Variants in RSPH14 observed in about 807,000 individuals in gnomAD.
RSPH14 encodes the protein radial spoke head 14 homolog, also known as rhabdoid tumor deletion region gene 1.
A neutral mutation model predicts 26.7 loss-of-function variants in RSPH14; 20 were observed. That is an observed-to-expected ratio of 0.75 (90% CI 0.53 to 1.09). The LOEUF (loss-of-function observed/expected upper bound fraction) is 1.09. RSPH14 is among the 50% of genes least tolerant of loss of function. RSPH14 has a pLI of 0.00. For missense variants in RSPH14, 449 were observed against 457.2 expected (o/e 0.98, Z 0.16); for synonymous variants, 177 against 189.3 (o/e 0.93, Z 0.53).
chr22:23,162,693 C>G, the RSPH14 span: 4 of 456,296 alleles, frequency 8.8e-6, 1 homozygote, highest in South Asian at 6.2e-5. Context: ...CCTGGCTATG[C>G]CCACTCATCC....
intron 4 of RSPH14, among the ~76,000 whole-genome samples, chr22:23,088,786 CCCATCGGGCATTAGGGGTGT>C (rs2146295002): frequency 6.6e-6 from 1 of 152,270 alleles, no homozygotes; most frequent in South Asian, 2.1e-4. Context: ...GGGCTGGGAG[CCCATCGGGCATTAGGGGTGT>C]GGCCTTGCTC....
intron 4 of RSPH14, among the ~76,000 whole-genome samples, chr22:23,096,983 A>T (rs1322249754): frequency 6.6e-6 from 1 of 152,088 alleles, no homozygotes; most frequent in African/African-American, 2.4e-5. Context: ...GAGGGTGGGG[A>T]GCCGGGTGAA....
chr22:23,074,984 A>G (rs772030454), intron 4 of RSPH14, among the ~76,000 whole-genome samples: 7 of 152,208 alleles, frequency 4.6e-5, no homozygotes, highest in Non-Finnish European at 1.0e-4. Flanking sequence ...CCTGAGCAAC[A>G]TGTAAGAGCC....
chr22:23,114,203 A>G (rs1263463194), intron 4 of RSPH14, among the ~76,000 whole-genome samples: 2 of 152,036 alleles, frequency 1.3e-5, no homozygotes, highest in Non-Finnish European at 2.9e-5. Context: ...TGGTGAATGG[A>G]GCGCATTCAT....
chr22:23,119,648 G>A (rs1910007048), intron 4 of RSPH14, among the ~76,000 whole-genome samples: 1 of 152,224 alleles, frequency 6.6e-6, no homozygotes, highest in Admixed American at 6.5e-5. Flanking sequence ...CTACTAGGGT[G>A]GAGCCCATGT....
chr22:23,130,533 A>AAAGAAAGAAAGAAAGC (rs1569193256), intron 4 of RSPH14, among the ~76,000 whole-genome samples: 2 of 85,378 alleles, frequency 2.3e-5, no homozygotes, highest in Admixed American at 1.1e-4. Context: ...AGAAAGAAAG[A>AAAGAAAGAAAGAAAGC]GAAAGAAGGA....
chr22:23,130,256 C>A (rs2070319018), intron 4 of RSPH14, among the ~76,000 whole-genome samples: 1 of 150,034 alleles, frequency 6.7e-6, no homozygotes, highest in Admixed American at 6.6e-5. Context: ...GAGATCGAGA[C>A]CATCCTGGCT....
intron 4 of RSPH14, among the ~76,000 whole-genome samples, chr22:23,115,236 A>G (rs2146376535): frequency 6.6e-6 from 1 of 152,264 alleles, no homozygotes. Flanking sequence ...TCCCCAATAC[A>G]ACACAGTCCG....
At chr22:23,145,659 C>A (rs558565581), upstream of RSPH14, 17 of 1,280,410 alleles carry the variant, frequency 1.3e-5, no homozygotes, top group Admixed American at 1.8e-4. Context: ...CACTTCCCGC[C>A]CCTATAACTT....
chr22:23,179,163 C>T, the RSPH14 span, among the ~76,000 whole-genome samples: 1 of 152,208 alleles, frequency 6.6e-6, no homozygotes, highest in Non-Finnish European at 1.5e-5. Context: ...AAAGTATCTG[C>T]TCCAGATGAC....
intron 4 of RSPH14, among the ~76,000 whole-genome samples, chr22:23,109,248 G>A (rs1227063439): frequency 6.6e-6 from 1 of 152,212 alleles, no homozygotes; most frequent in East Asian, 1.9e-4. Context: ...GCCCAAGTGA[G>A]CCTGGCAGCA....
intron 2 of RSPH14, among the ~76,000 whole-genome samples, chr22:23,139,277 CAT>C (rs1303305422): frequency 6.6e-6 from 1 of 152,220 alleles, no homozygotes; most frequent in East Asian, 1.9e-4. Flanking sequence ...TCAAACTAGT[CAT>C]ATGACTTTGA....
chr22:23,143,948 C>A (rs2070653467), upstream of RSPH14, among the ~76,000 whole-genome samples: 1 of 151,962 alleles, frequency 6.6e-6, no homozygotes, highest in Non-Finnish European at 1.5e-5. Context: ...TAAAAATTAG[C>A]CAAGCATGGT....
chr22:23,158,939 C>T, the RSPH14 span: 2 of 1,614,214 alleles, frequency 1.2e-6, no homozygotes, highest in Non-Finnish European at 1.7e-6. Context: ...GAGGCAGGCT[C>T]CTGCTTCATC....
At chr22:23,145,248 C>T, upstream of RSPH14, 1 of 791,746 alleles carries the variant, frequency 1.3e-6, no homozygotes, top group Non-Finnish European at 2.0e-6. Context: ...CATAGCCCCG[C>T]CCACCGCCCA....
chr22:23,099,310 G>A (rs189616840), intron 4 of RSPH14, among the ~76,000 whole-genome samples: 1 of 152,372 alleles, frequency 6.6e-6, no homozygotes, highest in African/African-American at 2.4e-5. Context: ...GCCACATGGG[G>A]AGCCACGCCC....
chr22:23,070,113 G>C (rs1228458717), intron 4 of RSPH14, among the ~76,000 whole-genome samples: 2 of 152,066 alleles, frequency 1.3e-5, no homozygotes, highest in African/African-American at 4.8e-5. Flanking sequence ...CGGGACTGCG[G>C]CGCGCGCGGA....
At chr22:23,129,533 G>A (rs1211840314) in intron 4 of RSPH14, among the ~76,000 whole-genome samples, 1 of 151,298 alleles carries the variant, frequency 6.6e-6, no homozygotes, top group Non-Finnish European at 1.5e-5. Context: ...ATATCTTCAT[G>A]AGTCAGGGTA....
chr22:23,060,248 G>T (rs2068065147), intron 6 of RSPH14, among the ~76,000 whole-genome samples: 1 of 152,122 alleles, frequency 6.6e-6, no homozygotes, highest in Non-Finnish European at 1.5e-5. Flanking sequence ...GAGGCTGGTG[G>T]ATCACGAGGT....
Sources: gnomAD v4.1 joint callset for allele counts (sites outside exome capture counted in the v4.1 genomes callset) on GRCh38, gnomAD v4.1.1 for gene constraint, MANE v1.5 for transcripts, NCBI Gene and HGNC (gene_info 2026-07-23, HGNC 2026-07-21) for gene names.